The following TMEM135 variants were observed in gnomAD, a reference collection of about 807,000 sequenced individuals.
TMEM135 encodes transmembrane protein 135, also known as peroxisomal membrane protein 52.
TMEM135 carries 30 observed loss-of-function variants against 60.3 expected under a neutral mutation model. The observed-to-expected ratio is 0.50, with a 90% CI of 0.37 to 0.68. TMEM135 has a LOEUF of 0.68. Ranked by LOEUF, TMEM135 falls within the 30% of genes least tolerant of loss-of-function variation. The pLI is 0.00. For synonymous variants in TMEM135, 190 were observed against 186.7 expected (o/e 1.02, Z -0.14); for missense variants, 468 against 548.8 (o/e 0.85, Z 1.47).
chr11:87,295,597 A>T (rs112161957), intron 6 of TMEM135, among the ~76,000 whole-genome samples, 185 bp from the exon 7 acceptor site: 1 of 152,188 alleles, frequency 6.6e-6, no homozygotes, highest in African/African-American at 2.4e-5. Flanking sequence ...GGAAGGCATT[A>T]TCATATTAAT....
intron 6 of TMEM135, among the ~76,000 whole-genome samples, chr11:87,263,889 C>T (rs1941699708): frequency 6.6e-6 from 1 of 151,936 alleles, no homozygotes; most frequent in Non-Finnish European, 1.5e-5. Flanking sequence ...ATGTGAGGGA[C>T]ATGGCAAATA....
chr11:87,192,308 ATGTC>A (rs1474689544), intron 5 of TMEM135, among the ~76,000 whole-genome samples: 2 of 152,036 alleles, frequency 1.3e-5, no homozygotes, highest in African/African-American at 4.8e-5. Flanking sequence ...ATTTATGTAG[ATGTC>A]TGTCTTTCTT....
chr11:87,191,982 C>CTTTTTTT (rs767550753), intron 5 of TMEM135, among the ~76,000 whole-genome samples: 1,203 of 93,600 alleles, frequency 0.013, 80 homozygotes, highest in African/African-American at 0.022. Flanking sequence ...CTTTTCTTTT[C>CTTTTTTT]TTTTCTTTTT....
Position 87,123,795 on chromosome 11 carries a change from A to G in TMEM135, c.396+32400A>G, listed in dbSNP as rs541052268. Reference sequence around the variant, plus strand: ...GAGAATTAACATTTATTGAGCCCCTACCATCTTCCAGACATTTTGCTGGGT... The same window carrying G: ...GAGAATTAACATTTATTGAGCCCCTGCCATCTTCCAGACATTTTGCTGGGT... On this transcript the variant is annotated intron_variant, in intron 4 of 14. Coordinates refer to ENST00000305494, the MANE Select transcript of TMEM135 (RefSeq NM_022918.4). Among the ~76,000 whole-genome samples, 6 of 152,190 alleles carry G rather than the reference A, an allele frequency of 3.9e-5. No individual in the cohort carries two copies. In the South Asian group the frequency reaches 1.2e-3, roughly 32 times the overall value.
chr11:87,282,681 T>C (rs752734894), intron 6 of TMEM135, among the ~76,000 whole-genome samples: 8 of 152,230 alleles, frequency 5.3e-5, no homozygotes, highest in Non-Finnish European at 1.2e-4. Flanking sequence ...TTTTCTTTTA[T>C]ATTGTCCAAG....
chr11:87,058,362 C>G (rs906423699), intron 1 of TMEM135, among the ~76,000 whole-genome samples: 2 of 151,874 alleles, frequency 1.3e-5, no homozygotes, highest in Non-Finnish European at 2.9e-5. Context: ...GACAGTCTTG[C>G]TCTGTCACTC....
intron 6 of TMEM135, among the ~76,000 whole-genome samples, chr11:87,289,174 A>C (rs1177842593): frequency 6.6e-6 from 1 of 152,218 alleles, no homozygotes; most frequent in Non-Finnish European, 1.5e-5. Context: ...CTTTTAAAAA[A>C]TTGAGAAATA....
chr11:87,116,735 A>G (rs1000340449), intron 4 of TMEM135, among the ~76,000 whole-genome samples: 1 of 152,152 alleles, frequency 6.6e-6, no homozygotes, highest in Non-Finnish European at 1.5e-5. Context: ...TACTGTAATA[A>G]AATGATTCAC....
chr11:87,296,054 A>C (rs1401908376), intron 7 of TMEM135, among the ~76,000 whole-genome samples: 1 of 152,182 alleles, frequency 6.6e-6, no homozygotes, highest in Non-Finnish European at 1.5e-5. Flanking sequence ...TGTGCTTTCT[A>C]CTGTGGGGTA....
chr11:87,289,228 A>G (rs1284968129), intron 6 of TMEM135, among the ~76,000 whole-genome samples: 2 of 152,144 alleles, frequency 1.3e-5, no homozygotes, highest in East Asian at 3.9e-4. Context: ...TTTAATACAT[A>G]TATAGTTATT....
intron 4 of TMEM135, among the ~76,000 whole-genome samples, chr11:87,098,754 T>G (rs986466643): frequency 6.6e-6 from 1 of 152,104 alleles, no homozygotes; most frequent in African/African-American, 2.4e-5. Flanking sequence ...AGTGGTGCCA[T>G]GTCGGCTCAC....
intron 1 of TMEM135, among the ~76,000 whole-genome samples, chr11:87,061,298 T>G (rs1363078631): frequency 6.6e-6 from 1 of 152,158 alleles, no homozygotes; most frequent in Non-Finnish European, 1.5e-5. Context: ...CATTTTTGGT[T>G]ATCACAGCTG....
In TMEM135 at chr11:87,120,108, T is replaced by G. The variant is rs866170661; in HGVS notation, c.396+28713T>G. Among the ~76,000 whole-genome samples the G allele has an allele frequency of 7.3e-4, 56 of 76,962 alleles. 1 individual carries two copies. The highest frequency in any genetic ancestry group is 3.8e-3 in the East Asian group (6 of 1,588). The allele number at this position is 76,962 out of a possible 152,430, so 50.5% of individuals were successfully genotyped here. ...ATGAACTTATTAGTCTGTTTTTTTC[T>G]TCTTCTTCTTTTTTTTTTTTTTTTG... On this transcript the variant is annotated intron_variant, in intron 4 of 14. Coordinates refer to ENST00000305494, the MANE Select transcript of TMEM135 (RefSeq NM_022918.4).
intron 6 of TMEM135, among the ~76,000 whole-genome samples, chr11:87,249,744 C>CA (rs1941372410): frequency 6.6e-6 from 1 of 152,058 alleles, no homozygotes; most frequent in Admixed American, 6.6e-5. Context: ...ATTTTTGTAT[C>CA]AGTGTTCATC....
chr11:87,298,116 G>A (rs1172114111), intron 7 of TMEM135, among the ~76,000 whole-genome samples: 4 of 152,148 alleles, frequency 2.6e-5, no homozygotes, highest in Admixed American at 6.5e-5. Context: ...CCTGGCGGTC[G>A]TGATTTTTAT....
intron 3 of TMEM135, among the ~76,000 whole-genome samples, chr11:87,086,304 A>G (rs1354441719): frequency 6.6e-6 from 1 of 152,000 alleles, no homozygotes; most frequent in Admixed American, 6.5e-5. Context: ...ACAGCCAGTG[A>G]TGCCCCCTGC....
chr11:87,082,782 G>A (rs1434115144), intron 3 of TMEM135, among the ~76,000 whole-genome samples: 1 of 152,168 alleles, frequency 6.6e-6, no homozygotes, highest in Non-Finnish European at 1.5e-5. Context: ...ACGAGAAAGA[G>A]TAGAAGAAAC....
intron 7 of TMEM135, 87 bp from the exon 8 acceptor site, chr11:87,302,209 C>T (rs1030639709): frequency 6.0e-6 from 8 of 1,340,910 alleles, no homozygotes; most frequent in South Asian, 2.6e-5. Context: ...CTTGCCAAAG[C>T]GTATTTGTTT....
chr11:87,096,890 T>G (rs1023314533), intron 4 of TMEM135, among the ~76,000 whole-genome samples: 4 of 152,170 alleles, frequency 2.6e-5, no homozygotes, highest in African/African-American at 9.7e-5. Flanking sequence ...TTTCAGGGCT[T>G]GGCACCCTAG....
Sources: gnomAD v4.1 joint callset for allele counts (sites outside exome capture counted in the v4.1 genomes callset) on GRCh38, gnomAD v4.1.1 for gene constraint, MANE v1.5 for transcripts, NCBI Gene and HGNC (gene_info 2026-07-23, HGNC 2026-07-21) for gene names.